The following SFXN1 variants were observed in gnomAD, a reference collection of about 807,000 sequenced individuals.
SFXN1 encodes the protein sideroflexin-1.
A neutral mutation model predicts 39.5 loss-of-function variants in SFXN1; 32 were observed. The observed-to-expected ratio is 0.81, with a 90% CI of 0.61 to 1.09. SFXN1 has a LOEUF of 1.09. Ranked by LOEUF, SFXN1 falls within the 50% of genes least tolerant of loss-of-function variation. SFXN1 has a pLI of 0.00. For synonymous variants in SFXN1, 136 were observed against 146.5 expected, an observed-to-expected ratio of 0.93 and a Z score of 0.52; for missense variants, 402 against 407.1, an observed-to-expected ratio of 0.99 and a Z score of 0.11.
chr5:175,479,037 G>C (rs1039489608), intron 1 of SFXN1, among the ~76,000 whole-genome samples: 9 of 152,220 alleles, frequency 5.9e-5, no homozygotes, highest in African/African-American at 1.2e-4. Context: ...GTGGCCCAGT[G>C]CCTGGCCCAG....
intron 1 of SFXN1, among the ~76,000 whole-genome samples, chr5:175,489,669 A>G (rs1759586153): frequency 6.6e-6 from 1 of 152,210 alleles, no homozygotes; most frequent in Non-Finnish European, 1.5e-5. Flanking sequence ...GCTAGTGCAG[A>G]TCGATGGTTC....
chr5:175,490,977 G>A (rs1759633273), intron 1 of SFXN1, among the ~76,000 whole-genome samples: 1 of 152,122 alleles, frequency 6.6e-6, no homozygotes, highest in African/African-American at 2.4e-5. Context: ...CAGAGTGCCT[G>A]GATTATGGGA....
At chr5:175,525,942 A>G (rs1761044621) in intron 10 of SFXN1, 1 of 152,152 alleles carries the variant, frequency 6.6e-6, no homozygotes, top group Non-Finnish European at 1.5e-5. Context: ...CTAATTACAT[A>G]TCAAAATATT....
At chr5:175,515,874 G>A (rs1245196075) in intron 7 of SFXN1, among the ~76,000 whole-genome samples, 1 of 152,186 alleles carries the variant, frequency 6.6e-6, no homozygotes, top group Non-Finnish European at 1.5e-5. Context: ...TGTTGAATCA[G>A]TGGGAGCCCT....
At chr5:175,511,738 CTCTG>C (rs1326933399) in intron 5 of SFXN1, among the ~76,000 whole-genome samples, 2 of 127,106 alleles carry the variant, frequency 1.6e-5, no homozygotes, top group Non-Finnish European at 3.9e-5. Context: ...CTGTGCCTGA[CTCTG>C]TGTACGAAGT....
intron 2 of SFXN1, among the ~76,000 whole-genome samples, chr5:175,503,925 A>G (rs1334593670): frequency 6.9e-6 from 1 of 144,794 alleles, no homozygotes; most frequent in South Asian, 2.2e-4. Flanking sequence ...AATTGCTTGA[A>G]CCTGGGAGGT....
chr5:175,481,148 A>G (rs1041881574), intron 1 of SFXN1, among the ~76,000 whole-genome samples: 2 of 152,256 alleles, frequency 1.3e-5, no homozygotes, highest in African/African-American at 4.8e-5. Context: ...AGTGTTGTTC[A>G]TTTTTTGCAG....
chr5:175,516,072 G>A (rs778369568), intron 7 of SFXN1, among the ~76,000 whole-genome samples: 8 of 149,142 alleles, frequency 5.4e-5, no homozygotes, highest in East Asian at 1.9e-4. Context: ...GAGCTCAGGC[G>A]TAATGCAAGC....
At chr5:175,502,192 AGT>A (rs1760108994) in intron 2 of SFXN1, among the ~76,000 whole-genome samples, 1 of 152,178 alleles carries the variant, frequency 6.6e-6, no homozygotes, top group South Asian at 2.1e-4. Flanking sequence ...TTTACAATAC[AGT>A]GATGTTAGCC....
chr5:175,509,988 C>T (rs1333449126), intron 3 of SFXN1, 121 bp from the exon 4 acceptor site: 18 of 725,986 alleles, frequency 2.5e-5, no homozygotes, highest in Middle Eastern at 3.8e-4. Context: ...GCCTGTGTGG[C>T]CTTATGGCTT....
At chr5:175,522,350 G>T in intron 9 of SFXN1, 25 bp from the exon 10 acceptor site, 1 of 1,574,668 alleles carries the variant, frequency 6.4e-7, no homozygotes, top group South Asian at 1.2e-5. Context: ...AAAATGGTCT[G>T]ACTTTTTTTT....
chr5:175,515,161 C>T (rs1220952159), intron 7 of SFXN1, among the ~76,000 whole-genome samples: 5 of 152,176 alleles, frequency 3.3e-5, no homozygotes, highest in African/African-American at 4.8e-5. Flanking sequence ...GGACTACAGG[C>T]GTGCGCCACC....
At chr5:175,482,732 A>G (rs1375880051) in intron 1 of SFXN1, among the ~76,000 whole-genome samples, 1 of 152,212 alleles carries the variant, frequency 6.6e-6, no homozygotes, top group East Asian at 1.9e-4. Flanking sequence ...TTTATAGATG[A>G]CAGAATTGAG....
chr5:175,483,941 T>G (rs1034185794), intron 1 of SFXN1: 1 of 152,240 alleles, frequency 6.6e-6, no homozygotes, highest in African/African-American at 2.4e-5. Context: ...ACCCACACAC[T>G]CTGGAACACA....
chr5:175,484,481 G>C (rs2113257635), intron 1 of SFXN1, among the ~76,000 whole-genome samples: 1 of 152,332 alleles, frequency 6.6e-6, no homozygotes, highest in African/African-American at 2.4e-5. Flanking sequence ...GCCTTGCCCG[G>C]GGCCAGCAGG....
chr5:175,478,811 G>A (rs370232199), intron 1 of SFXN1, 172 bp downstream of exon 1: 5 of 152,276 alleles, frequency 3.3e-5, no homozygotes, highest in East Asian at 1.9e-4. Context: ...CTCGGGCCGG[G>A]GGGGGGGTCC....
Position 175,516,625 on chromosome 5 carries a change from T to C in SFXN1, c.736T>C (p.Phe246Leu). Residue 246 changes from phenylalanine (F) to leucine (L), a missense_variant, in exon 8 of 11, where the codon TTC (phenylalanine) becomes CTC (leucine). Transcript: ENST00000321442. ...ATCTTTATTTCCAGCCATCCCTCCA[T>C]TCATTATGAACACTTTGGAAAAGAA... ...MAAPGMAIPP[F>L]IMNTLEKKAF... 6.2e-7 allele frequency: 1 copy of C among 1,612,684 alleles called. No individual in the cohort carries two copies. Among genetic ancestry groups the C allele is most frequent in the Non-Finnish European group, 8.5e-7 (1 of 1,179,544 alleles).
At chr5:175,489,113 G>C in intron 1 of SFXN1, among the ~76,000 whole-genome samples, 1 of 85,500 alleles carries the variant, frequency 1.2e-5, no homozygotes, top group Non-Finnish European at 2.5e-5. Context: ...CCTTTTTTTA[G>C]ACCTTCTGAA....
At chr5:175,480,580 T>A (rs1759206854) in intron 1 of SFXN1, among the ~76,000 whole-genome samples, 1 of 152,190 alleles carries the variant, frequency 6.6e-6, no homozygotes, top group Non-Finnish European at 1.5e-5. Flanking sequence ...TAATTCAGGA[T>A]CAGTGAAGTG....
Sources: gnomAD v4.1 joint callset for allele counts (sites outside exome capture counted in the v4.1 genomes callset) on GRCh38, gnomAD v4.1.1 for gene constraint, MANE v1.5 for transcripts, NCBI Gene and HGNC (gene_info 2026-07-23, HGNC 2026-07-21) for gene names.